Variants in KLHL1 observed in about 807,000 individuals in gnomAD.
The protein encoded by KLHL1 is kelch-like protein 1.
Under a neutral mutation model 77.7 loss-of-function variants are expected in KLHL1, and 47 were observed. That is an observed-to-expected ratio of 0.60 (90% confidence interval 0.48 to 0.77). The LOEUF (loss-of-function observed/expected upper bound fraction) is 0.77, where lower values mean the gene tolerates loss of function less well. Among genes scored for constraint, KLHL1 ranks in the 30% least tolerant of loss-of-function variants. The pLI, the probability that KLHL1 is intolerant of heterozygous loss-of-function variation, is 0.00. For missense variants in KLHL1, 925 were observed against 910.8 expected, an observed-to-expected ratio of 1.02 and a Z score of -0.20; for synonymous variants, 360 against 325.2, an observed-to-expected ratio of 1.11 and a Z score of -1.15.
intron 1 of KLHL1, among the ~76,000 whole-genome samples, chr13:70,083,752 C>T (rs972810613): frequency 2.6e-5 from 4 of 151,990 alleles, no homozygotes; most frequent in Non-Finnish European, 5.9e-5. Context: ...ATGTTTATTG[C>T]ACTAACTACT....
chr13:69,707,503 A>C, intron 10 of KLHL1, 122 bp downstream of exon 10: 1 of 841,584 alleles, frequency 1.2e-6, no homozygotes, highest in Non-Finnish European at 1.7e-6. Flanking sequence ...ATATTGGATA[A>C]AAACAATCAT....
At chr13:70,017,559 T>G (rs551009759) in intron 1 of KLHL1, among the ~76,000 whole-genome samples, 1 of 152,290 alleles carries the variant, frequency 6.6e-6, no homozygotes, top group East Asian at 1.9e-4. Context: ...CACACCTGGA[T>G]TGCCCTTGGC....
intron 1 of KLHL1, among the ~76,000 whole-genome samples, chr13:70,086,303 C>A (rs377380632): frequency 3.0e-4 from 45 of 151,224 alleles, no homozygotes; most frequent in African/African-American, 9.9e-4. Flanking sequence ...GTAGACCTGG[C>A]TGGGCATGGA....
intron 6 of KLHL1, among the ~76,000 whole-genome samples, chr13:69,812,233 T>C (rs1446073353): frequency 6.6e-6 from 1 of 152,194 alleles, no homozygotes; most frequent in Non-Finnish European, 1.5e-5. Context: ...TTCTTAATCC[T>C]GAGTTCTAAT....
intron 7 of KLHL1, among the ~76,000 whole-genome samples, chr13:69,785,657 CA>C (rs1827465394): frequency 2.0e-5 from 3 of 148,994 alleles, no homozygotes; most frequent in Admixed American, 2.0e-4. Context: ...TGACTAAAAT[CA>C]GAGCAGAACT....
At chr13:69,861,435 C>A (rs956822036) in intron 5 of KLHL1, among the ~76,000 whole-genome samples, 1 of 152,004 alleles carries the variant, frequency 6.6e-6, no homozygotes, top group Non-Finnish European at 1.5e-5. Flanking sequence ...TACTACACAT[C>A]TATATGCAAT....
rs536385438 is a variant in KLHL1, at chr13:69,847,248, C to T, written c.1228-8086G>A. ...TAATTTTATAGTAAAAGCCAGAAAA[C>T]ATTTACATTATAAAAACTTGTATTA... On this transcript the variant is annotated intron_variant, in intron 5 of 10. Coordinates refer to ENST00000377844, the MANE Select transcript of KLHL1 (RefSeq NM_020866.3). Among the ~76,000 whole-genome samples the T allele has an allele frequency of 4.6e-5, 7 of 151,342 alleles. No homozygotes were observed. In the South Asian group the frequency reaches 1.5e-3, roughly 31 times the overall value.
At chr13:70,044,628 T>C (rs970475780) in intron 1 of KLHL1, among the ~76,000 whole-genome samples, 1 of 152,178 alleles carries the variant, frequency 6.6e-6, no homozygotes, top group South Asian at 2.1e-4. Flanking sequence ...CATTCTCCAA[T>C]GTATAAACAA....
At chr13:70,090,215 C>A (rs999830372) in intron 1 of KLHL1, among the ~76,000 whole-genome samples, 1 of 152,144 alleles carries the variant, frequency 6.6e-6, no homozygotes, top group African/African-American at 2.4e-5. Flanking sequence ...GAAGACATAT[C>A]AAACAGTAAC....
intron 5 of KLHL1, among the ~76,000 whole-genome samples, chr13:69,842,877 C>T (rs1879321337): frequency 6.6e-6 from 1 of 151,612 alleles, no homozygotes; most frequent in African/African-American, 2.4e-5. Context: ...AAAATCATGC[C>T]ATTTATAGCA....
intron 4 of KLHL1, among the ~76,000 whole-genome samples, chr13:69,920,787 C>G (rs1882606675): frequency 6.6e-6 from 1 of 152,020 alleles, no homozygotes; most frequent in Non-Finnish European, 1.5e-5. Flanking sequence ...AGAAGGTCAG[C>G]AAAAATATGT....
At chr13:70,022,370 C>T (rs994249863) in intron 1 of KLHL1, among the ~76,000 whole-genome samples, 7 of 151,076 alleles carry the variant, frequency 4.6e-5, no homozygotes, top group African/African-American at 1.5e-4. Flanking sequence ...TTCTTTTTGT[C>T]ACAACTGTGA....
At position 69,995,181 on chromosome 13, in the gene KLHL1, T is replaced by C. The variant is rs1476029569; in HGVS notation, c.498-19379A>G. Among the ~76,000 whole-genome samples, 3 of 152,116 alleles carry C rather than the reference T, an allele frequency of 2.0e-5. No homozygotes were observed. The South Asian group carries it at 6.2e-4, about 31-fold the overall frequency. On this transcript the variant is annotated intron_variant, in intron 1 of 10. Coordinates refer to ENST00000377844, the MANE Select transcript of KLHL1 (RefSeq NM_020866.3). Reference sequence around the variant, plus strand: ...AGTCAAGTAATTATGACAGAGACCATATACCCCACACTCCCAAGGCCTACA... The same window carrying C: ...AGTCAAGTAATTATGACAGAGACCACATACCCCACACTCCCAAGGCCTACA...
chr13:70,063,516 T>A (rs1886939617), intron 1 of KLHL1, among the ~76,000 whole-genome samples: 2 of 152,212 alleles, frequency 1.3e-5, no homozygotes, highest in Non-Finnish European at 2.9e-5. Context: ...ATTTTGTTAT[T>A]TAAAATTATA....
chr13:69,783,104 C>A (rs1015804140), intron 7 of KLHL1, among the ~76,000 whole-genome samples: 1 of 152,172 alleles, frequency 6.6e-6, no homozygotes, highest in Non-Finnish European at 1.5e-5. Context: ...AACAGACCTG[C>A]AGCTGAGAGT....
Position 69,833,493 on chromosome 13 carries a change from T to A in KLHL1, c.1414+5483A>T, listed in dbSNP as rs550293788. ...GGATGTGGTGAAAAAGGGAACACTTTTACACTGCTGGTGGGAATGTAAACT... is the reference window on the plus strand; with the variant it reads ...GGATGTGGTGAAAAAGGGAACACTTATACACTGCTGGTGGGAATGTAAACT... On this transcript the variant is annotated intron_variant, in intron 6 of 10. Coordinates refer to ENST00000377844, the MANE Select transcript of KLHL1 (RefSeq NM_020866.3). 4.6e-5 allele frequency among the ~76,000 whole-genome samples: 7 copies of A among 151,958 alleles called. No individual in the cohort carries two copies. In the South Asian group the frequency reaches 1.5e-3, roughly 32 times the overall value.
chr13:69,967,109 T>C (rs1884233180), intron 2 of KLHL1, among the ~76,000 whole-genome samples: 1 of 152,158 alleles, frequency 6.6e-6, no homozygotes, highest in African/African-American at 2.4e-5. Context: ...TTTTGTTTCC[T>C]TTGGACAGAC....
In KLHL1 at chr13:70,027,652, G is replaced by GTTTTTTT. The variant is rs10667717; in HGVS notation, c.498-51857_498-51851dup. ...ATTTTTGAAGCGCAAAATGTAAGTT[G>GTTTTTTT]TTTTTTTTTTTTTATGAACTGAACA... On this transcript the variant is annotated intron_variant, in intron 1 of 10. Coordinates refer to ENST00000377844, the MANE Select transcript of KLHL1 (RefSeq NM_020866.3). 9.8e-3 allele frequency among the ~76,000 whole-genome samples: 1,335 copies of GTTTTTTT among 135,818 alleles called. 23 individuals carry two copies. The highest frequency in any genetic ancestry group is 0.015 in the Non-Finnish European group (964 of 65,434). 89.1% of individuals were successfully genotyped at this position (135,818 alleles called of 152,430 possible).
chr13:69,833,770 T>TATATATATAC lies in KLHL1; in HGVS notation c.1414+5205_1414+5206insGTATATATAT, dbSNP rs1566304585. ...TGGTATATATATATATATATATACA[T>TATATATATAC]ACATACATACATATATACTTGTTGT... On this transcript the variant is annotated intron_variant, in intron 6 of 10. Coordinates refer to ENST00000377844, the MANE Select transcript of KLHL1 (RefSeq NM_020866.3). Among the ~76,000 whole-genome samples the TATATATATAC allele has an allele frequency of 9.7e-3, 1,358 of 140,704 alleles. 25 individuals are homozygous for TATATATATAC. The highest frequency in any genetic ancestry group is 0.037 in the African/African-American group (1,279 of 34,736). The allele number at this position is 140,704 out of a possible 152,430, so 92.3% of individuals were successfully genotyped here. A position where few individuals can be genotyped will look rare whatever the true frequency, so the allele number is the denominator to read the frequency against.
Sources: allele counts gnomAD v4.1 joint callset (sites outside exome capture counted in the v4.1 genomes callset), GRCh38; gene constraint gnomAD v4.1.1; transcripts MANE v1.5; gene names NCBI Gene and HGNC (gene_info 2026-07-23, HGNC 2026-07-21).